PPFIBP1: variants seen among roughly 807,000 people sequenced by gnomAD.
PPFIBP1 encodes the protein PPFIB scaffold protein 1, also known as liprin-beta-1.
A neutral mutation model predicts 137.8 loss-of-function variants in PPFIBP1; 112 were observed. The observed-to-expected ratio is 0.81, with a 90% CI of 0.70 to 0.95. The LOEUF (loss-of-function observed/expected upper bound fraction) is 0.95. PPFIBP1 is among the 40% of genes least tolerant of loss of function. PPFIBP1 has a pLI of 0.00. For synonymous variants in PPFIBP1, 378 were observed against 417.3 expected (o/e 0.91, Z 1.15); for missense variants, 1,083 against 1,196.6 (o/e 0.91, Z 1.40).
chr12:27,590,112 T>C (rs1266929431), intron 2 of PPFIBP1, among the ~76,000 whole-genome samples: 2 of 152,212 alleles, frequency 1.3e-5, no homozygotes, highest in South Asian at 2.1e-4. Context: ...ATTAAAAACA[T>C]TTAAAGAATT....
intron 2 of PPFIBP1, among the ~76,000 whole-genome samples, chr12:27,594,736 C>T (rs2052989465): frequency 6.6e-6 from 1 of 152,126 alleles, no homozygotes; most frequent in African/African-American, 2.4e-5. Flanking sequence ...ACAAACATGC[C>T]ATGGTCCTAC....
rs550176086 is a variant in PPFIBP1 at position 27,631,359 on chromosome 12, C to A, written c.-35-2003C>A. 3.9e-4 allele frequency among the ~76,000 whole-genome samples: 60 copies of A among 152,224 alleles called. 1 individual carries two copies. In the Middle Eastern group the frequency reaches 0.01, roughly 26 times the overall value. On this transcript the variant is annotated intron_variant, in intron 2 of 29. Transcript: ENST00000228425. ...TTTGGCCTTTGATTCTAATGCCAGT[C>A]CCTGGCTACCTGTTTAATTTGCAAA...
Position 27,688,348 on chromosome 12 carries a change from G to C in PPFIBP1, c.2421G>C (p.Met807Ile). 6.2e-7 allele frequency: 1 copy of C among 1,614,142 alleles called. No homozygotes were observed. Reference protein sequence around the residue: ...EVQKWTNHRVMEWLRSVDLAE... With the variant: ...EVQKWTNHRVIEWLRSVDLAE... ...AGAAGTGGACTAACCATCGAGTGAT[G>C]GAGTGGCTGCGCTCCGTGGACTTGG... Residue 807 changes from methionine (M) to isoleucine (I), a missense_variant, in exon 26 of 30, where the codon ATG (methionine) becomes ATC (isoleucine). Physicochemically the swap from Met to Ile is conservative, Grantham distance 10. Coordinates refer to ENST00000228425, the MANE Select transcript of PPFIBP1 (RefSeq NM_003622.4).
chr12:27,560,389 A>C (rs184439083), intron 1 of PPFIBP1, among the ~76,000 whole-genome samples: 1 of 152,176 alleles, frequency 6.6e-6, no homozygotes, highest in East Asian at 1.9e-4. Context: ...GGATTCTATC[A>C]GTTTGGATTT....
chr12:27,543,880 CTT>C (rs35787446), intron 1 of PPFIBP1, among the ~76,000 whole-genome samples: 7 of 105,794 alleles, frequency 6.6e-5, no homozygotes, highest in Non-Finnish European at 1.1e-4. Context: ...CCCGCCCCTG[CTT>C]TTTTTTTTTT....
At chr12:27,654,562 T>G in intron 7 of PPFIBP1, 160 bp from the exon 8 acceptor site, 1 of 898,220 alleles carries the variant, frequency 1.1e-6, no homozygotes. Context: ...GATGCCTTCG[T>G]TCTTAAGGAG....
chr12:27,663,960 G>T (rs1198032155), intron 11 of PPFIBP1, among the ~76,000 whole-genome samples: 2 of 152,174 alleles, frequency 1.3e-5, no homozygotes, highest in Non-Finnish European at 2.9e-5. Flanking sequence ...GGCTAATAAA[G>T]ACAGAAGATG....
Position 27,673,793 on chromosome 12 carries a change from G to C in PPFIBP1, c.1346G>C (p.Ser449Thr). 1 of 1,613,664 alleles carries C rather than the reference G, an allele frequency of 6.2e-7. No individual in the cohort carries two copies. The highest frequency in any genetic ancestry group is 8.5e-7 in the Non-Finnish European group (1 of 1,179,736). ...LLTSSLQKSS[S>T]LGNLKKETSD... ...ACTTCAAGTCTGCAGAAGTCCAGCA[G>C]CCTGGGCAATCTGAAGAAAGAGACA... Residue 449 changes from serine to threonine, a missense_variant, in exon 16 of 30, where the codon AGC becomes ACC. Physicochemically the swap from Ser to Thr is moderately conservative, Grantham distance 58. Transcript: ENST00000228425.
chr12:27,538,079 C>G (rs1218050566), intron 1 of PPFIBP1: 6 of 152,224 alleles, frequency 3.9e-5, no homozygotes, highest in Non-Finnish European at 8.8e-5. Flanking sequence ...TGATCTTGAC[C>G]TTTCTCCAAG....
chr12:27,537,542 T>G (rs1253824297), intron 1 of PPFIBP1, among the ~76,000 whole-genome samples: 1 of 152,122 alleles, frequency 6.6e-6, no homozygotes, highest in Non-Finnish European at 1.5e-5. Context: ...AGCCATGGCT[T>G]ACAGCAGAGT....
Position 27,679,552 on chromosome 12 carries a change from A to G in PPFIBP1, c.1679A>G (p.Asp560Gly). 1 of 1,614,022 alleles carries G rather than the reference A, an allele frequency of 6.2e-7. No homozygotes were observed. Among genetic ancestry groups the G allele is most frequent in the African/African-American group, 1.3e-5 (1 of 75,056 alleles). ...GCTGGTGCTTCTTCTCGGCCAAAAG[A>G]TTCACAGAGGAACAGTCCCTTCCAG... ...DLAGASSRPK[D>G]SQRNSPFQIP... is the part of the protein sequence containing the mutation. The change falls in exon 20 of 30, where the codon GAT becomes GGT. Residue 560 changes from aspartate (D) to glycine (G), a missense_variant. Coordinates refer to ENST00000228425, the MANE Select transcript of PPFIBP1 (RefSeq NM_003622.4).
In PPFIBP1 at chr12:27,656,612, G is replaced by A. The variant is rs778619779; in HGVS notation, c.697-4G>A. On this transcript the variant is annotated splice_region_variant and splice_polypyrimidine_tract_variant and intron_variant, in intron 8 of 29. Coordinates refer to ENST00000228425, the MANE Select transcript of PPFIBP1 (RefSeq NM_003622.4). The stretch of plus-strand genomic sequence containing the variant: ...CTATTTTTAAATGAATTTGTAACTT[G>A]TAGGATGAACTGGCATCTTTAAAAG... 3 of 1,552,826 alleles carry A rather than the reference G, an allele frequency of 1.9e-6. No homozygotes were observed. Among genetic ancestry groups the A allele is most frequent in the Non-Finnish European group, 2.7e-6 (3 of 1,124,966 alleles).
intron 2 of PPFIBP1, among the ~76,000 whole-genome samples, chr12:27,601,394 C>T (rs1016566585): frequency 2.0e-5 from 3 of 152,030 alleles, no homozygotes; most frequent in African/African-American, 4.8e-5. Context: ...ATGTTCATTC[C>T]CAAACAGATA....
At chr12:27,664,787 TG>T (rs1374979024) in intron 12 of PPFIBP1, among the ~76,000 whole-genome samples, 1 of 151,866 alleles carries the variant, frequency 6.6e-6, no homozygotes, top group African/African-American at 2.4e-5. Context: ...TGGTGGGCAG[TG>T]GGGAGAGGGG....
intron 2 of PPFIBP1, chr12:27,599,231 A>G (rs1259670860): frequency 4.7e-6 from 1 of 211,210 alleles, no homozygotes; most frequent in Non-Finnish European, 9.7e-6. Context: ...CAGTAGACCC[A>G]GGAAAGCAGA....
At chr12:27,590,786 G>A (rs968231996) in intron 2 of PPFIBP1, among the ~76,000 whole-genome samples, 3 of 152,094 alleles carry the variant, frequency 2.0e-5, no homozygotes, top group Admixed American at 6.5e-5. Flanking sequence ...TGTCCCCTTC[G>A]GGAACTTGAT....
chr12:27,634,314 A>T (rs1400351322), intron 3 of PPFIBP1, among the ~76,000 whole-genome samples: 3 of 151,996 alleles, frequency 2.0e-5, no homozygotes, highest in African/African-American at 4.8e-5. Context: ...GGCACACGCC[A>T]CTGCACTTAG....
chr12:27,672,405 C>T lies in PPFIBP1; in HGVS notation c.1263-22C>T, dbSNP rs1312235240. 6 of 1,584,572 alleles carry T rather than the reference C, an allele frequency of 3.8e-6. No homozygotes were observed. In the East Asian group the frequency reaches 9.0e-5, roughly 24 times the overall value. On this transcript the variant is annotated intron_variant, in intron 14 of 29. Transcript: ENST00000228425. ...CTTTTATTCGTGAAGTTAATAAATA[C>T]CTTTTGTTCTTTACATTTTAGTGAT...
chr12:27,652,123 G>A (rs888591765), intron 7 of PPFIBP1, among the ~76,000 whole-genome samples: 14 of 151,980 alleles, frequency 9.2e-5, no homozygotes, highest in African/African-American at 3.1e-4. Context: ...TCTTGTTATC[G>A]TCCCCTTAAT....
Sources: gnomAD v4.1 joint callset for allele counts (sites outside exome capture counted in the v4.1 genomes callset) on GRCh38, gnomAD v4.1.1 for gene constraint, MANE v1.5 for transcripts, NCBI Gene and HGNC (gene_info 2026-07-23, HGNC 2026-07-21) for gene names.